The following CSDE1 variants were observed in gnomAD, a reference collection of about 807,000 sequenced individuals.
CSDE1 encodes the protein cold shock domain-containing protein E1.
Under a neutral mutation model 89.3 loss-of-function variants are expected in CSDE1, and 17 were observed. The ratio of observed to expected loss-of-function variants is 0.19; its 90% CI spans 0.13 to 0.29. The LOEUF is 0.29. CSDE1 is among the 10% of genes least tolerant of loss of function. CSDE1 has a pLI of 1.00. For missense variants in CSDE1, 672 were observed against 984.2 expected, an observed-to-expected ratio of 0.68 and a Z score of 4.24; for synonymous variants, 322 against 332.8, an observed-to-expected ratio of 0.97 and a Z score of 0.35.
intron 2 of CSDE1, chr1:114,746,427 T>C (rs574766383): frequency 3.3e-5 from 5 of 152,282 alleles, no homozygotes; most frequent in Admixed American, 2.0e-4. Flanking sequence ...ATAAAAAAAC[T>C]ATAACCTAAT....
chr1:114,736,458 T>C (rs781260958), intron 6 of CSDE1, among the ~76,000 whole-genome samples: 5 of 152,216 alleles, frequency 3.3e-5, no homozygotes, highest in African/African-American at 1.2e-4. Context: ...CACCTCTCTA[T>C]AGTGACTATA....
At chr1:114,731,806 TGATGA>T (rs897880302) in intron 10 of CSDE1, among the ~76,000 whole-genome samples, 3 of 152,148 alleles carry the variant, frequency 2.0e-5, no homozygotes, top group Non-Finnish European at 2.9e-5. Context: ...TCTTAAAACA[TGATGA>T]GATGTTTTTG....
At chr1:114,734,268 AAAG>A in intron 7 of CSDE1, 151 bp from the exon 8 acceptor site, 15 of 1,145,058 alleles carry the variant, frequency 1.3e-5, no homozygotes, top group Non-Finnish European at 1.9e-5. Context: ...AGCCAATTTT[AAAG>A]AAGATAATGT....
At chr1:114,745,741 A>C (rs1367972920) in intron 2 of CSDE1, among the ~76,000 whole-genome samples, 1 of 152,244 alleles carries the variant, frequency 6.6e-6, no homozygotes. Context: ...TGAAAAAGTC[A>C]TTGACAAAAT....
At position 114,718,178 on chromosome 1, in the gene CSDE1, G is replaced by A; in HGVS notation, c.2388C>T (p.Val796=). Residue 796 remains valine, a synonymous_variant, in exon 20 of 20, where the codon GTC becomes GTT. Transcript: ENST00000358528. ...GAERKIRQAG[V]ID ...TGCTTTGTGGATGTGGTTAGTCAAT[G>A]ACACCAGCTTGACGGATCTTTCTTT... 1 of 1,613,966 alleles carries A rather than the reference G, an allele frequency of 6.2e-7. No homozygotes were observed. The highest frequency in any genetic ancestry group is 1.1e-5 in the South Asian group (1 of 91,076).
intron 10 of CSDE1, 32 bp downstream of exon 10, chr1:114,732,572 T>G: frequency 6.3e-7 from 1 of 1,596,716 alleles, no homozygotes; most frequent in South Asian, 1.1e-5. Context: ...TTTCGCATAT[T>G]AGATACATAT....
intron 2 of CSDE1, among the ~76,000 whole-genome samples, chr1:114,741,922 T>C (rs150808624): frequency 2.1e-4 from 32 of 152,312 alleles, no homozygotes; most frequent in African/African-American, 7.7e-4. Context: ...AGTGAGACTA[T>C]TCAGTCCAAT....
rs762800625 is a variant in CSDE1, at chr1:114,725,210, C to A, written c.1753+11G>T. 1.2e-5 allele frequency: 19 copies of A among 1,609,440 alleles called. No homozygotes were observed. In the South Asian group the frequency reaches 2.1e-4, roughly 18 times the overall value. ...AAAGCACAGGCTGAATAAGAAGTCACAATTTATTACCTGAGTGTGTTTTGT... is the reference window on the plus strand; with the variant it reads ...AAAGCACAGGCTGAATAAGAAGTCAAAATTTATTACCTGAGTGTGTTTTGT... On this transcript the variant is annotated intron_variant, in intron 15 of 19. Coordinates refer to ENST00000358528, the MANE Select transcript of CSDE1 (RefSeq NM_001007553.3).
chr1:114,730,195 G>C, intron 12 of CSDE1, 63 bp downstream of exon 12: 1 of 1,540,478 alleles, frequency 6.5e-7, no homozygotes, highest in Non-Finnish European at 8.9e-7. Flanking sequence ...CTATTACTAT[G>C]TGCTGTTAAA....
At chr1:114,757,325 G>C (rs368303524) in intron 1 of CSDE1, among the ~76,000 whole-genome samples, 2 of 152,112 alleles carry the variant, frequency 1.3e-5, no homozygotes, top group Admixed American at 1.3e-4. Context: ...GATGGAGCAG[G>C]GTCTCAGTCT....
At chr1:114,745,263 C>G (rs1249271468) in intron 2 of CSDE1, among the ~76,000 whole-genome samples, 1 of 152,106 alleles carries the variant, frequency 6.6e-6, no homozygotes, top group Non-Finnish European at 1.5e-5. Context: ...GTGAAAAAAG[C>G]TTTATACACA....
At chr1:114,734,392 A>G (rs1031104711) in intron 7 of CSDE1, 50 bp downstream of exon 7, 3 of 1,509,018 alleles carry the variant, frequency 2.0e-6, no homozygotes. Flanking sequence ...TTGAAGTACA[A>G]CATTTCAAGT....
Position 114,718,004 on chromosome 1 carries a change from A to T in CSDE1, c.*165T>A. On this transcript the variant is annotated 3_prime_UTR_variant, in exon 20 of 20. Coordinates refer to ENST00000358528, the MANE Select transcript of CSDE1 (RefSeq NM_001007553.3). ...TAAAATGGTTTTCTTAAATTTATTT[A>T]TTTTTTTAAACATAACACGAGGAAG... 1 of 634,392 alleles carries T rather than the reference A, an allele frequency of 1.6e-6. No homozygotes were observed. The allele number at this position is 634,392 out of a possible 1,614,324, so 39.3% of individuals were successfully genotyped here. A position where few individuals can be genotyped will look rare whatever the true frequency, so the allele number is the denominator to read the frequency against.
intron 19 of CSDE1, 114 bp downstream of exon 19, chr1:114,718,499 C>A (rs1385696582): frequency 2.2e-6 from 3 of 1,380,972 alleles, no homozygotes; most frequent in Non-Finnish European, 2.9e-6. Context: ...TAGTTATAAG[C>A]AATATGGAAG....
chr1:114,750,598 AAAAC>A (rs1661250386), intron 1 of CSDE1, among the ~76,000 whole-genome samples: 1 of 152,232 alleles, frequency 6.6e-6, no homozygotes, highest in South Asian at 2.1e-4. Context: ...ATGGAAAAAA[AAAAC>A]AGAGTATAGG....
chr1:114,726,059 G>C, intron 14 of CSDE1, 152 bp downstream of exon 14: 2 of 796,498 alleles, frequency 2.5e-6, no homozygotes, highest in Non-Finnish European at 3.9e-6. Context: ...AGTAAGATCA[G>C]TGATTAACTT....
chr1:114,739,429 G>C (rs6676639), intron 3 of CSDE1, among the ~76,000 whole-genome samples: 30,887 of 152,132 alleles, frequency 0.2, 3,587 homozygotes, highest in Non-Finnish European at 0.25. Flanking sequence ...TTCAATATTC[G>C]TACTGGCTTA....
At chr1:114,719,013 T>C (rs1384777102) in intron 18 of CSDE1, 1 of 383,860 alleles carries the variant, frequency 2.6e-6, no homozygotes, top group Non-Finnish European at 4.7e-6. Flanking sequence ...GTTCCACAGA[T>C]GCATAAAAAA....
chr1:114,741,579 G>C (rs1335264304), intron 2 of CSDE1: 1 of 1,550,990 alleles, frequency 6.4e-7, no homozygotes, highest in Non-Finnish European at 8.7e-7. Context: ...AGATGAGGTA[G>C]AAGATGAAGA....
Sources: gnomAD v4.1 joint callset for allele counts (sites outside exome capture counted in the v4.1 genomes callset) on GRCh38, gnomAD v4.1.1 for gene constraint, MANE v1.5 for transcripts, NCBI Gene and HGNC (gene_info 2026-07-23, HGNC 2026-07-21) for gene names.